Variants in SLC8A1 observed in about 807,000 individuals in gnomAD.
SLC8A1 encodes the protein solute carrier family 8 member A1.
Under a neutral mutation model 68.3 loss-of-function variants are expected in SLC8A1, and 18 were observed. That is an observed-to-expected ratio of 0.26 (90% CI 0.18 to 0.39). The LOEUF (loss-of-function observed/expected upper bound fraction) is 0.39, where lower values mean the gene tolerates loss of function less well. Ranked by LOEUF, SLC8A1 falls within the 10% of genes least tolerant of loss-of-function variation. The pLI is 1.00. For missense variants in SLC8A1, 985 were observed against 1,156.7 expected (o/e 0.85, Z 2.15); for synonymous variants, 475 against 415.5 (o/e 1.14, Z -1.74).
chr2:40,477,270 A>G (rs1489798308), intron 1 of SLC8A1, among the ~76,000 whole-genome samples: 2 of 152,176 alleles, frequency 1.3e-5, no homozygotes, highest in Non-Finnish European at 2.9e-5. Flanking sequence ...CTCTTACAAG[A>G]GAGAAAACCT....
rs1190442090 is a variant in SLC8A1, at chr2:40,279,536, G to A, written c.1809-101681C>T. 5.3e-5 allele frequency among the ~76,000 whole-genome samples: 8 copies of A among 152,102 alleles called. 1 individual carries two copies. Among genetic ancestry groups the A allele is most frequent in the Non-Finnish European group, 1.0e-4 (7 of 68,016 alleles). ...AATGGAACAATTCCTAATTGTTATT[G>A]AGGAAGAAAGCAAGACCTATTAAGG... On this transcript the variant is annotated intron_variant, in intron 2 of 7. Transcript: ENST00000406785.
At chr2:40,147,786 C>T (rs906042604) in intron 6 of SLC8A1, among the ~76,000 whole-genome samples, 1 of 152,170 alleles carries the variant, frequency 6.6e-6, no homozygotes, top group East Asian at 1.9e-4. Flanking sequence ...ATAAATGCTG[C>T]CCAGAGCCTC....
intron 2 of SLC8A1, among the ~76,000 whole-genome samples, chr2:40,376,076 T>A (rs1200120966): frequency 3.3e-5 from 5 of 152,174 alleles, no homozygotes; most frequent in Non-Finnish European, 5.9e-5. Context: ...GAATGCTGAA[T>A]GAAGAGGTAG....
At chr2:40,480,545 T>C (rs1031770077) in intron 1 of SLC8A1, among the ~76,000 whole-genome samples, 5 of 152,234 alleles carry the variant, frequency 3.3e-5, no homozygotes, top group African/African-American at 1.2e-4. Flanking sequence ...GTTTTGATTG[T>C]TGATAAGGCA....
intron 1 of SLC8A1, among the ~76,000 whole-genome samples, chr2:40,461,276 C>CGG (rs1703324974): frequency 6.6e-6 from 1 of 152,140 alleles, no homozygotes; most frequent in African/African-American, 2.4e-5. Flanking sequence ...GAGGATATTT[C>CGG]ACCACTGAGA....
chr2:40,327,558 T>C (rs2075966517), intron 2 of SLC8A1, among the ~76,000 whole-genome samples: 1 of 151,474 alleles, frequency 6.6e-6, no homozygotes, highest in Non-Finnish European at 1.5e-5. Flanking sequence ...ATACAGTGCT[T>C]CACCGTGGAA....
At chr2:40,186,123 G>C (rs117367931) in intron 2 of SLC8A1, among the ~76,000 whole-genome samples, 2 of 152,084 alleles carry the variant, frequency 1.3e-5, no homozygotes, top group African/African-American at 4.8e-5. Context: ...AAAATATAAG[G>C]TATTATGAAA....
chr2:40,209,020 C>G (rs2056048600), intron 2 of SLC8A1: 1 of 151,908 alleles, frequency 6.6e-6, no homozygotes, highest in South Asian at 2.1e-4. Context: ...GTTCTGAGAA[C>G]TAGCTACAGA....
intron 2 of SLC8A1, among the ~76,000 whole-genome samples, chr2:40,274,632 C>T (rs541146060): frequency 6.6e-6 from 1 of 152,256 alleles, no homozygotes; most frequent in African/African-American, 2.4e-5. Flanking sequence ...CTGTAGGGAA[C>T]CCAGAAATGA....
intron 2 of SLC8A1, among the ~76,000 whole-genome samples, chr2:40,406,715 C>T (rs1190819831): frequency 6.6e-6 from 1 of 152,154 alleles, no homozygotes; most frequent in Non-Finnish European, 1.5e-5. Context: ...ATGGAGGAAG[C>T]AACATGGTCC....
intron 2 of SLC8A1, among the ~76,000 whole-genome samples, chr2:40,320,575 T>C (rs1428346555): frequency 6.6e-6 from 1 of 152,182 alleles, no homozygotes; most frequent in Non-Finnish European, 1.5e-5. Flanking sequence ...AGGAAATAGC[T>C]TTCAGCTATA....
At chr2:40,157,408 C>T (rs755895818) in intron 6 of SLC8A1, among the ~76,000 whole-genome samples, 1 of 152,130 alleles carries the variant, frequency 6.6e-6, no homozygotes, top group Non-Finnish European at 1.5e-5. Context: ...GGGACACAAA[C>T]CCACACCTGT....
At chr2:40,281,265 G>A (rs551832110) in intron 2 of SLC8A1, among the ~76,000 whole-genome samples, 3 of 152,190 alleles carry the variant, frequency 2.0e-5, no homozygotes, top group East Asian at 1.9e-4. Flanking sequence ...AAAAGGGTTG[G>A]GGGGGTGCTC....
intron 2 of SLC8A1, among the ~76,000 whole-genome samples, chr2:40,311,564 A>G (rs1180647924): frequency 3.3e-5 from 5 of 152,104 alleles, no homozygotes; most frequent in African/African-American, 7.2e-5. Context: ...ATGTCTTTAT[A>G]TATCTTACAA....
chr2:40,375,561 C>T (rs149218261), intron 2 of SLC8A1, among the ~76,000 whole-genome samples: 113 of 152,144 alleles, frequency 7.4e-4, no homozygotes, highest in African/African-American at 2.7e-3. Context: ...TATATGACTC[C>T]AGGATCATTA....
At chr2:40,421,474 T>C (rs1695489544) in intron 2 of SLC8A1, among the ~76,000 whole-genome samples, 1 of 152,114 alleles carries the variant, frequency 6.6e-6, no homozygotes, top group African/African-American at 2.4e-5. Flanking sequence ...ACCCCAGATA[T>C]CTCATATGTA....
At chr2:40,427,073 A>G (rs1009100497) in intron 2 of SLC8A1, among the ~76,000 whole-genome samples, 3 of 152,094 alleles carry the variant, frequency 2.0e-5, no homozygotes, top group Admixed American at 1.3e-4. Flanking sequence ...TAGAATTAAC[A>G]TAAAATAGAT....
chr2:40,202,654 T>C (rs1236062226), intron 2 of SLC8A1, among the ~76,000 whole-genome samples: 2 of 152,036 alleles, frequency 1.3e-5, no homozygotes, highest in African/African-American at 4.8e-5. Flanking sequence ...AAGGGTGATG[T>C]GACAGCATAA....
intron 2 of SLC8A1, among the ~76,000 whole-genome samples, chr2:40,408,304 T>A (rs1347460619): frequency 6.6e-6 from 1 of 152,196 alleles, no homozygotes; most frequent in Non-Finnish European, 1.5e-5. Context: ...ACACAGTTAC[T>A]CAAATAATCC....
Sources: gnomAD v4.1 joint callset for allele counts (sites outside exome capture counted in the v4.1 genomes callset) on GRCh38, gnomAD v4.1.1 for gene constraint, MANE v1.5 for transcripts, NCBI Gene and HGNC (gene_info 2026-07-23, HGNC 2026-07-21) for gene names.